Variants in CDH13 observed in about 807,000 individuals in gnomAD.
The protein encoded by CDH13 is cadherin 13.
CDH13 carries 24 observed loss-of-function variants against 63.8 expected under a neutral mutation model. The observed-to-expected ratio is 0.38, with a 90% CI of 0.27 to 0.53. The LOEUF (loss-of-function observed/expected upper bound fraction) is 0.53. Ranked by LOEUF, CDH13 falls within the 20% of genes least tolerant of loss-of-function variation. The pLI is 0.85. For missense variants in CDH13, 1,049 were observed against 903.1 expected, an observed-to-expected ratio of 1.16 and a Z score of -2.07; for synonymous variants, 503 against 355.3, an observed-to-expected ratio of 1.42 and a Z score of -4.67.
intron 2 of CDH13, among the ~76,000 whole-genome samples, chr16:83,008,866 A>C (rs890960914): frequency 6.6e-6 from 1 of 152,232 alleles, no homozygotes; most frequent in Admixed American, 6.5e-5. Context: ...ATTGACTCAC[A>C]GTTCAGCATG....
intron 2 of CDH13, among the ~76,000 whole-genome samples, chr16:83,019,443 T>G (rs1915130678): frequency 6.6e-6 from 1 of 152,016 alleles, no homozygotes; most frequent in Non-Finnish European, 1.5e-5. Context: ...AATGCCTTCT[T>G]CTGGATACCT....
intron 1 of CDH13, among the ~76,000 whole-genome samples, chr16:82,633,051 T>A (rs1052121656): frequency 6.6e-6 from 1 of 152,186 alleles, no homozygotes; most frequent in Non-Finnish European, 1.5e-5. Flanking sequence ...GGGGCCATTA[T>A]AAATACAGAT....
At chr16:83,311,346 A>G (rs1248152013) in intron 5 of CDH13, among the ~76,000 whole-genome samples, 2 of 152,160 alleles carry the variant, frequency 1.3e-5, no homozygotes, top group Non-Finnish European at 2.9e-5. Context: ...AAAATTAAAA[A>G]GTAAAAGTCG....
chr16:83,374,406 T>C (rs1455016923), intron 6 of CDH13, among the ~76,000 whole-genome samples: 2 of 152,224 alleles, frequency 1.3e-5, no homozygotes, highest in Non-Finnish European at 2.9e-5. Flanking sequence ...TATCTTTTCA[T>C]GCATGCCTTT....
chr16:83,743,354 C>T (rs541609333), intron 10 of CDH13, among the ~76,000 whole-genome samples: 3 of 152,242 alleles, frequency 2.0e-5, no homozygotes, highest in Non-Finnish European at 4.4e-5. Flanking sequence ...CAAACCCTGG[C>T]TTTCCCTGGA....
intron 1 of CDH13, among the ~76,000 whole-genome samples, chr16:82,744,060 G>A (rs1308380366): frequency 2.0e-5 from 3 of 152,142 alleles, no homozygotes; most frequent in African/African-American, 7.2e-5. Flanking sequence ...ATTTCTTAAT[G>A]GAGAGATTAA....
chr16:83,142,160 G>GTTTTTTTTTTTTTTTTTTT (rs11445521), intron 4 of CDH13, among the ~76,000 whole-genome samples: 1 of 120,384 alleles, frequency 8.3e-6, no homozygotes, highest in Non-Finnish European at 1.7e-5. Flanking sequence ...GTTTGTTTTT[G>GTTTTTTTTTTTTTTTTTTT]TTTTTTTTTT....
chr16:83,162,744 A>G (rs28503831), intron 4 of CDH13, among the ~76,000 whole-genome samples: 11,465 of 152,124 alleles, frequency 0.075, 1,409 homozygotes, highest in African/African-American at 0.26. Flanking sequence ...TTGTGATTCA[A>G]TAGGCCTGAG....
At chr16:83,710,943 AACT>A (rs1907945795) in intron 10 of CDH13, among the ~76,000 whole-genome samples, 1 of 152,164 alleles carries the variant, frequency 6.6e-6, no homozygotes, top group East Asian at 1.9e-4. Flanking sequence ...TGGTGGGCTG[AACT>A]ACGATGAATG....
At chr16:83,508,079 G>GGAAGGAAGGAAA (rs1462210389) in intron 7 of CDH13, among the ~76,000 whole-genome samples, 4 of 68,902 alleles carry the variant, frequency 5.8e-5, no homozygotes, top group African/African-American at 2.2e-4. Context: ...AAGGAAGGAA[G>GGAAGGAAGGAAA]GAAGGAAGGA....
At chr16:82,997,067 G>T (rs1393784782) in intron 2 of CDH13, among the ~76,000 whole-genome samples, 1 of 151,616 alleles carries the variant, frequency 6.6e-6, no homozygotes, top group Admixed American at 6.6e-5. Context: ...TGATGGTGAT[G>T]GTGGTGATGG....
intron 2 of CDH13, among the ~76,000 whole-genome samples, chr16:82,963,858 C>A (rs149170946): frequency 6.6e-6 from 1 of 152,134 alleles, no homozygotes; most frequent in Non-Finnish European, 1.5e-5. Flanking sequence ...CATGATCCTA[C>A]GGGAGCAATG....
At chr16:83,622,971 G>A (rs190179098) in intron 8 of CDH13, among the ~76,000 whole-genome samples, 2 of 152,320 alleles carry the variant, frequency 1.3e-5, no homozygotes, top group Admixed American at 6.5e-5. Flanking sequence ...GTACAAGGGT[G>A]AATCTTACAA....
chr16:83,576,480 A>G (rs1905093531), intron 7 of CDH13, among the ~76,000 whole-genome samples: 1 of 152,128 alleles, frequency 6.6e-6, no homozygotes, highest in Non-Finnish European at 1.5e-5. Flanking sequence ...GCATACATGT[A>G]TTTCTTTGAG....
Position 83,643,947 on chromosome 16 carries a change from G to T in CDH13, c.1102-26843G>T, listed in dbSNP as rs144637623. Among the ~76,000 whole-genome samples, 3 of 152,284 alleles carry T rather than the reference G, an allele frequency of 2.0e-5. No individual in the cohort carries two copies. In the East Asian group the frequency reaches 5.8e-4, roughly 29 times the overall value. ...GATCCTCCCAGAAAGCCAGAGCTCCGCTCCTAGAGAGCGTTTGAGGAACCT... is the reference window on the plus strand; with the variant it reads ...GATCCTCCCAGAAAGCCAGAGCTCCTCTCCTAGAGAGCGTTTGAGGAACCT... On this transcript the variant is annotated intron_variant, in intron 8 of 13. Transcript: ENST00000567109.
At chr16:83,515,313 G>A (rs1043637857) in intron 7 of CDH13, among the ~76,000 whole-genome samples, 1 of 152,130 alleles carries the variant, frequency 6.6e-6, no homozygotes, top group African/African-American at 2.4e-5. Context: ...TCATTTGCAC[G>A]ACATTTCTCT....
At chr16:83,648,594 C>T (rs1049474571) in intron 8 of CDH13, among the ~76,000 whole-genome samples, 1 of 152,128 alleles carries the variant, frequency 6.6e-6, no homozygotes, top group Non-Finnish European at 1.5e-5. Flanking sequence ...TTTCCATAGA[C>T]ATGGAAATTT....
rs1354469394 is a variant in CDH13 at position 83,800,059 on chromosome 16, C to T, written c.*5029C>T. On this transcript the variant is annotated 3_prime_UTR_variant, in exon 14 of 14. Transcript: ENST00000567109. Reference sequence around the variant, plus strand: ...ACTATGTTGCTATCATCACATCTATCGTTGGAGGGTTGCTGAGCTTGATAC... The same window carrying T: ...ACTATGTTGCTATCATCACATCTATTGTTGGAGGGTTGCTGAGCTTGATAC... 3.9e-5 allele frequency: 6 copies of T among 152,170 alleles called. No homozygotes were observed. Among genetic ancestry groups the T allele is most frequent in the African/African-American group, 7.2e-5 (3 of 41,438 alleles). 9.4% of individuals were successfully genotyped at this position (152,170 alleles called of 1,614,324 possible). A position where few individuals can be genotyped will look rare whatever the true frequency, so the allele number is the denominator to read the frequency against.
At chr16:83,221,505 G>T (rs936812034) in intron 5 of CDH13, among the ~76,000 whole-genome samples, 3 of 152,170 alleles carry the variant, frequency 2.0e-5, no homozygotes, top group African/African-American at 7.2e-5. Flanking sequence ...AATGATTCAT[G>T]AATGACCAAG....
Sources: allele counts gnomAD v4.1 joint callset (sites outside exome capture counted in the v4.1 genomes callset), GRCh38; gene constraint gnomAD v4.1.1; transcripts MANE v1.5; gene names NCBI Gene and HGNC (gene_info 2026-07-23, HGNC 2026-07-21).